MED27: variants seen among roughly 807,000 people sequenced by gnomAD.
MED27 encodes mediator complex subunit 27.
A neutral mutation model predicts 38.2 loss-of-function variants in MED27; 30 were observed. The ratio of observed to expected loss-of-function variants is 0.79; its 90% confidence interval spans 0.59 to 1.07. The LOEUF is 1.07. Among genes scored for constraint, MED27 ranks in the 50% least tolerant of loss-of-function variants. The pLI, the probability that MED27 is intolerant of heterozygous loss-of-function variation, is 0.00. For synonymous variants in MED27, 122 were observed against 153.5 expected (o/e 0.79, Z 1.52); for missense variants, 289 against 397.5 (o/e 0.73, Z 2.32).
chr9:132,039,087 T>G (rs767633721), intron 2 of MED27, among the ~76,000 whole-genome samples: 2 of 152,174 alleles, frequency 1.3e-5, no homozygotes, highest in African/African-American at 4.8e-5. Flanking sequence ...ACTTCAAAAT[T>G]GCAAGGAATT....
chr9:131,911,428 G>A lies in MED27; in HGVS notation c.574-17436C>T, dbSNP rs951275331. On this transcript the variant is annotated intron_variant, in intron 4 of 7. Transcript: ENST00000292035. ...AGCTTTGCTTGGTTCCATGGTAGCA[G>A]ACATCACCCCTTACATGTGTCAGCT... 3.9e-5 allele frequency among the ~76,000 whole-genome samples: 6 copies of A among 152,178 alleles called. No individual in the cohort carries two copies. The East Asian group carries it at 1.2e-3, about 29-fold the overall frequency.
chr9:132,055,071 G>A (rs963366792), intron 2 of MED27, among the ~76,000 whole-genome samples: 8 of 152,078 alleles, frequency 5.3e-5, no homozygotes, highest in Admixed American at 2.0e-4. Flanking sequence ...CTTCCTTGCT[G>A]TCCCCCTCAC....
At chr9:132,018,472 T>A (rs2131082586) in intron 2 of MED27, among the ~76,000 whole-genome samples, 1 of 152,348 alleles carries the variant, frequency 6.6e-6, no homozygotes, top group Non-Finnish European at 1.5e-5. Flanking sequence ...CATTCTCCAC[T>A]TGCATGATGT....
chr9:131,997,631 T>G lies in MED27; in HGVS notation c.479+16706A>C, dbSNP rs958650667. On this transcript the variant is annotated intron_variant, in intron 3 of 7. Transcript: ENST00000292035. This position sits in a 1 kb window ranked among gnomAD's most constrained non-coding sequence, Gnocchi z 4.0. ...AAATATATTGCAGCCCAATTCCAACTCAACCTCTGCTTCCTGAGAACCTAA... is the reference window on the plus strand; with the variant it reads ...AAATATATTGCAGCCCAATTCCAACGCAACCTCTGCTTCCTGAGAACCTAA... Among the ~76,000 whole-genome samples, 3 of 152,196 alleles carry G rather than the reference T, an allele frequency of 2.0e-5. No homozygotes were observed. Among genetic ancestry groups the G allele is most frequent in the African/African-American group, 7.2e-5 (3 of 41,436 alleles).
intron 3 of MED27, among the ~76,000 whole-genome samples, chr9:131,992,869 AT>A (rs1435163012): frequency 6.6e-6 from 1 of 152,198 alleles, no homozygotes. Context: ...AACAATAATT[AT>A]AATACACAAG....
intron 3 of MED27, among the ~76,000 whole-genome samples, chr9:132,011,904 T>C (rs1832493567): frequency 1.3e-5 from 2 of 151,898 alleles, no homozygotes; most frequent in Non-Finnish European, 1.5e-5. Flanking sequence ...CTATTTTGAG[T>C]GATTTATTAT....
intron 2 of MED27, among the ~76,000 whole-genome samples, chr9:132,058,575 G>C (rs565031689): frequency 1.3e-5 from 2 of 152,290 alleles, no homozygotes; most frequent in South Asian, 4.1e-4. Flanking sequence ...CAGTGCAATT[G>C]TAAGTTTCTT....
intron 3 of MED27, among the ~76,000 whole-genome samples, chr9:132,006,938 A>G (rs1219167439): frequency 6.6e-6 from 1 of 152,204 alleles, no homozygotes; most frequent in Admixed American, 6.5e-5. Context: ...CATCTACCAC[A>G]CATCTTGGAA....
At position 131,888,872 on chromosome 9, in the gene MED27, C is replaced by T. The variant is rs150156741; in HGVS notation, c.682-4773G>A. On this transcript the variant is annotated intron_variant, in intron 5 of 7. Coordinates refer to ENST00000292035, the MANE Select transcript of MED27 (RefSeq NM_004269.4). ...AGCCTCACCCAAGAACACAGTGTTA[C>T]AGGTCTATTATTCTTCAACTTTTCA... is the stretch of plus-strand genomic sequence containing the variant. 2.0e-3 allele frequency among the ~76,000 whole-genome samples: 308 copies of T among 152,276 alleles called. No homozygotes were observed. The Middle Eastern group carries it at 0.024, about 12-fold the overall frequency.
At chr9:131,945,051 A>G (rs1733013018) in intron 3 of MED27, among the ~76,000 whole-genome samples, 1 of 148,160 alleles carries the variant, frequency 6.7e-6, no homozygotes. Flanking sequence ...TCATTTTTCA[A>G]TAAAGCTACT....
chr9:131,877,050 C>T (rs1489346334), intron 6 of MED27, among the ~76,000 whole-genome samples: 1 of 152,180 alleles, frequency 6.6e-6, no homozygotes. Flanking sequence ...GACAGAAGGG[C>T]CTTCAACGAC....
rs886990526 is a variant in MED27 at position 131,870,043 on chromosome 9, A to G, written c.724-6903T>C. Among the ~76,000 whole-genome samples, 14 of 152,296 alleles carry G rather than the reference A, an allele frequency of 9.2e-5. No homozygotes were observed. The East Asian group carries it at 2.7e-3, about 29-fold the overall frequency. On this transcript the variant is annotated intron_variant, in intron 6 of 7. Coordinates refer to ENST00000292035, the MANE Select transcript of MED27 (RefSeq NM_004269.4). ...TCAACGTGCTGGAAAAGGAGATGCC[A>G]GTCAAAACAGTCTCCCAAAGCTCCT...
chr9:131,905,717 A>G (rs1167179315), intron 4 of MED27, among the ~76,000 whole-genome samples: 1 of 109,530 alleles, frequency 9.1e-6, no homozygotes, highest in Non-Finnish European at 1.9e-5. Flanking sequence ...AAAAAAAAAA[A>G]AAAAAAAAAA....
chr9:131,900,202 T>C (rs1829913434), intron 4 of MED27, among the ~76,000 whole-genome samples: 1 of 152,156 alleles, frequency 6.6e-6, no homozygotes. Context: ...CAGAAGTGCA[T>C]TTATAAAACC....
chr9:131,940,945 A>C (rs1159665148), intron 3 of MED27, among the ~76,000 whole-genome samples: 1 of 152,204 alleles, frequency 6.6e-6, no homozygotes, highest in Non-Finnish European at 1.5e-5. Flanking sequence ...GCACATATAA[A>C]GGACTCAAAA....
chr9:131,976,107 T>C (rs1385869817), intron 3 of MED27, among the ~76,000 whole-genome samples: 1 of 152,088 alleles, frequency 6.6e-6, no homozygotes, highest in East Asian at 1.9e-4. Flanking sequence ...ACAAGTGTCA[T>C]CTCCAGGAAA....
intron 1 of MED27, among the ~76,000 whole-genome samples, chr9:132,078,831 T>C (rs1488156502): frequency 6.6e-6 from 1 of 152,174 alleles, no homozygotes; most frequent in Non-Finnish European, 1.5e-5. Flanking sequence ...AGAAGGCAAG[T>C]TCAGGACCTA....
At chr9:132,048,114 T>C (rs1337057280) in intron 2 of MED27, among the ~76,000 whole-genome samples, 1 of 152,196 alleles carries the variant, frequency 6.6e-6, no homozygotes, top group Admixed American at 6.5e-5. Context: ...TTTTCTGTTT[T>C]TCAGGCTGGG....
intron 3 of MED27, among the ~76,000 whole-genome samples, chr9:132,005,264 T>C (rs1284351135): frequency 1.3e-5 from 2 of 152,202 alleles, no homozygotes; most frequent in Non-Finnish European, 2.9e-5. Context: ...TCCCATACCC[T>C]TGGCCTCAAA....
Sources: allele counts gnomAD v4.1 joint callset (sites outside exome capture counted in the v4.1 genomes callset), GRCh38; gene constraint gnomAD v4.1.1; non-coding constraint Gnocchi (gnomAD v3.1); transcripts MANE v1.5; gene names NCBI Gene and HGNC (gene_info 2026-07-23, HGNC 2026-07-21).